Variants in XYLT1 observed in about 807,000 individuals in gnomAD.
XYLT1 encodes beta-D-xylosyltransferase 1.
In XYLT1, 36 loss-of-function variants were observed where a neutral mutation model predicts 91.3. The ratio of observed to expected loss-of-function variants is 0.39; its 90% CI spans 0.30 to 0.52. XYLT1 has a LOEUF of 0.52. XYLT1 is among the 20% of genes least tolerant of loss of function. The pLI is 0.68. For missense variants in XYLT1, 1,242 were observed against 1,284.5 expected (o/e 0.97, Z 0.51); for synonymous variants, 588 against 532.0 (o/e 1.11, Z -1.45).
intron 2 of XYLT1, among the ~76,000 whole-genome samples, chr16:17,355,941 T>A (rs36108146): frequency 1.3e-5 from 2 of 151,990 alleles, no homozygotes; most frequent in African/African-American, 4.8e-5. Flanking sequence ...CTCGAACTCC[T>A]AGCCTCAAGT....
chr16:17,344,418 G>A (rs1216667852), intron 2 of XYLT1, among the ~76,000 whole-genome samples: 3 of 151,022 alleles, frequency 2.0e-5, no homozygotes, highest in Non-Finnish European at 4.4e-5. Flanking sequence ...GCACGAACCC[G>A]GGAGGTGGAG....
chr16:17,271,890 G>A lies in XYLT1; in HGVS notation c.403-12392C>T, dbSNP rs140521104. 5.0e-3 allele frequency among the ~76,000 whole-genome samples: 767 copies of A among 152,302 alleles called. 5 individuals are homozygous for A. Among genetic ancestry groups the A allele is most frequent in the Non-Finnish European group, 8.1e-3 (550 of 68,034 alleles). On this transcript the variant is annotated intron_variant, in intron 2 of 11. Transcript: ENST00000261381. ...AAACAGACCCTGGCATCCAGCCAGA[G>A]CAGTCAGAATAGGAGAGAGGCTGGT...
chr16:17,362,393 A>C (rs890533998), intron 1 of XYLT1, among the ~76,000 whole-genome samples: 2 of 152,228 alleles, frequency 1.3e-5, no homozygotes, highest in Non-Finnish European at 2.9e-5. Context: ...GTGTTTACTA[A>C]GTTCCGATTC....
chr16:17,256,833 G>A (rs922349246), intron 3 of XYLT1, among the ~76,000 whole-genome samples: 1 of 152,188 alleles, frequency 6.6e-6, no homozygotes, highest in Non-Finnish European at 1.5e-5. Flanking sequence ...CGGATGCACC[G>A]ATGCCGGTGG....
intron 1 of XYLT1, among the ~76,000 whole-genome samples, chr16:17,419,073 A>G (rs2036217496): frequency 6.6e-6 from 1 of 152,030 alleles, no homozygotes; most frequent in East Asian, 1.9e-4. Context: ...CTTTCAATTT[A>G]GCAGTAAGCA....
intron 2 of XYLT1, among the ~76,000 whole-genome samples, chr16:17,276,364 GC>G (rs2033974250): frequency 6.6e-6 from 1 of 152,172 alleles, no homozygotes; most frequent in Non-Finnish European, 1.5e-5. Flanking sequence ...GGCATGGCCT[GC>G]AGGACATCCA....
In XYLT1 at chr16:17,102,897, C is replaced by T. The variant is rs1221081309; in HGVS notation, c.*5798G>A. ...AAAACAATGAAGGGGACGGTAATAA[C>T]TTAGAGTGAGGCCTCTAAAACAAAT... On this transcript the variant is annotated 3_prime_UTR_variant, in exon 12 of 12. Transcript: ENST00000261381. 3 of 152,074 alleles carry T rather than the reference C, an allele frequency of 2.0e-5. No individual in the cohort carries two copies. Among genetic ancestry groups the T allele is most frequent in the African/African-American group, 7.3e-5 (3 of 41,242 alleles). 9.4% of individuals were successfully genotyped at this position (152,074 alleles called of 1,614,324 possible).
intron 2 of XYLT1, among the ~76,000 whole-genome samples, chr16:17,355,904 G>A (rs1356087009): frequency 6.6e-6 from 1 of 152,046 alleles, no homozygotes; most frequent in Non-Finnish European, 1.5e-5. Flanking sequence ...AGTAGAGATG[G>A]GGTTTCACCA....
intron 8 of XYLT1, among the ~76,000 whole-genome samples, chr16:17,138,002 T>C (rs2030810094): frequency 6.6e-6 from 1 of 151,418 alleles, no homozygotes; most frequent in South Asian, 2.1e-4. Flanking sequence ...ATGTAACAAA[T>C]ATTTTGGGAG....
chr16:17,467,798 A>T (rs1260697822), intron 1 of XYLT1, among the ~76,000 whole-genome samples: 1 of 152,210 alleles, frequency 6.6e-6, no homozygotes, highest in Non-Finnish European at 1.5e-5. Context: ...ACCCACCAGC[A>T]ACCCAGGACA....
intron 1 of XYLT1, among the ~76,000 whole-genome samples, chr16:17,463,455 T>C (rs1267419493): frequency 6.6e-6 from 1 of 152,050 alleles, no homozygotes; most frequent in Non-Finnish European, 1.5e-5. Flanking sequence ...GAATGGCCAA[T>C]GGATATATAA....
chr16:17,348,204 C>A (rs1456294522), intron 2 of XYLT1, among the ~76,000 whole-genome samples: 1 of 152,086 alleles, frequency 6.6e-6, no homozygotes. Flanking sequence ...TGCTAACACC[C>A]AACATGGAGA....
chr16:17,462,729 C>A (rs1329724755), intron 1 of XYLT1, among the ~76,000 whole-genome samples: 1 of 152,150 alleles, frequency 6.6e-6, no homozygotes, highest in Non-Finnish European at 1.5e-5. Context: ...GAACCCTGAA[C>A]AATATCCTCT....
chr16:17,294,580 C>A (rs1194500106), intron 2 of XYLT1, among the ~76,000 whole-genome samples: 7 of 152,060 alleles, frequency 4.6e-5, no homozygotes, highest in Admixed American at 3.9e-4. Context: ...TTTTAGGGGA[C>A]AGCACCCAGG....
At chr16:17,159,798 C>A (rs772452643) in intron 5 of XYLT1, among the ~76,000 whole-genome samples, 2 of 152,238 alleles carry the variant, frequency 1.3e-5, no homozygotes, top group Non-Finnish European at 2.9e-5. Flanking sequence ...CACAGCTAAT[C>A]CGCTTGCGCA....
chr16:17,402,910 A>G (rs1307200189), intron 1 of XYLT1, among the ~76,000 whole-genome samples: 1 of 151,930 alleles, frequency 6.6e-6, no homozygotes, highest in Non-Finnish European at 1.5e-5. Context: ...TGGCTATTTT[A>G]AAAATTTTTT....
chr16:17,416,874 G>A (rs1021169555), intron 1 of XYLT1, among the ~76,000 whole-genome samples: 5 of 152,178 alleles, frequency 3.3e-5, no homozygotes, highest in Non-Finnish European at 5.9e-5. Context: ...AAATGAGCAC[G>A]GACAGCCAGC....
intron 1 of XYLT1, among the ~76,000 whole-genome samples, chr16:17,387,279 G>T (rs1451518063): frequency 2.0e-5 from 3 of 152,172 alleles, no homozygotes; most frequent in Non-Finnish European, 2.9e-5. Flanking sequence ...GGGACTGGAG[G>T]CAAAGAGAGA....
At chr16:17,268,868 T>C (rs2033846432) in intron 2 of XYLT1, among the ~76,000 whole-genome samples, 1 of 152,154 alleles carries the variant, frequency 6.6e-6, no homozygotes, top group South Asian at 2.1e-4. Context: ...AGACAGGGTT[T>C]CACCATGTTG....
Sources: gnomAD v4.1 joint callset for allele counts (sites outside exome capture counted in the v4.1 genomes callset) on GRCh38, gnomAD v4.1.1 for gene constraint, MANE v1.5 for transcripts, NCBI Gene and HGNC (gene_info 2026-07-23, HGNC 2026-07-21) for gene names.